The following APTX variants were observed in gnomAD, a reference collection of about 807,000 sequenced individuals.
APTX encodes forkhead-associated domain histidine triad-like protein.
Under a neutral mutation model 42.3 loss-of-function variants are expected in APTX, and 33 were observed. The ratio of observed to expected loss-of-function variants is 0.78; its 90% CI spans 0.59 to 1.04. The LOEUF (loss-of-function observed/expected upper bound fraction) is 1.04. Among genes scored for constraint, APTX ranks in the 50% least tolerant of loss-of-function variants. The pLI is 0.00. For missense variants in APTX, 421 were observed against 415.1 expected, an observed-to-expected ratio of 1.01 and a Z score of -0.12; for synonymous variants, 130 against 146.7, an observed-to-expected ratio of 0.89 and a Z score of 0.82.
At chr9:32,973,711 CAAAAAAAA>C (rs34659850) in intron 7 of APTX, 59 bp from the exon 8 acceptor site, 4 of 1,331,628 alleles carry the variant, frequency 3.0e-6, no homozygotes, top group South Asian at 1.3e-5. Context: ...TATGAGATAC[CAAAAAAAA>C]AAAAAAAAAA....
intron 6 of APTX, among the ~76,000 whole-genome samples, chr9:32,974,903 TAAAG>T (rs1380418978): frequency 1.3e-5 from 2 of 152,016 alleles, no homozygotes; most frequent in Admixed American, 1.3e-4. Context: ...AAAAAAAACT[TAAAG>T]AATTAACATT....
upstream of APTX, among the ~76,000 whole-genome samples, chr9:33,003,442 A>G (rs1195807779): frequency 1.3e-5 from 2 of 152,120 alleles, no homozygotes; most frequent in African/African-American, 2.4e-5. Flanking sequence ...GCACTTTGGG[A>G]GGCCAACGCA....
At chr9:33,021,908 T>C (rs969646296) in intron 1 of APTX, among the ~76,000 whole-genome samples, 1 of 150,806 alleles carries the variant, frequency 6.6e-6, no homozygotes, top group Non-Finnish European at 1.5e-5. Flanking sequence ...GGAGAATCAC[T>C]TGAGCCTAGG....
chr9:33,017,533 C>T (rs1366812593), intron 1 of APTX, among the ~76,000 whole-genome samples: 1 of 152,174 alleles, frequency 6.6e-6, no homozygotes, highest in Non-Finnish European at 1.5e-5. Flanking sequence ...GGCCCCATCT[C>T]TGAATACCAT....
At chr9:33,021,620 CAAG>C in intron 1 of APTX, among the ~76,000 whole-genome samples, 1 of 152,142 alleles carries the variant, frequency 6.6e-6, no homozygotes, top group South Asian at 2.1e-4. Flanking sequence ...CCCAGGAGTT[CAAG>C]AACAGCCTGG....
intron 5 of APTX, among the ~76,000 whole-genome samples, chr9:32,985,118 T>C (rs1831623041): frequency 2.0e-5 from 3 of 152,174 alleles, no homozygotes; most frequent in South Asian, 4.1e-4. Context: ...CTACACAGAA[T>C]ACACAGAAGA....
upstream of APTX, among the ~76,000 whole-genome samples, chr9:33,006,317 G>GA (rs373020529): frequency 2.2e-3 from 338 of 152,168 alleles, 1 homozygote; most frequent in African/African-American, 7.7e-3. Flanking sequence ...TCTCTTGGGG[G>GA]AAAAATCAAT....
At chr9:32,991,420 A>T (rs991490124) in intron 1 of APTX, among the ~76,000 whole-genome samples, 3 of 152,232 alleles carry the variant, frequency 2.0e-5, no homozygotes, top group Non-Finnish European at 4.4e-5. Flanking sequence ...GATGGAGAGC[A>T]AGAAGAGCCA....
At chr9:32,981,005 T>C (rs1013219450) in intron 6 of APTX, among the ~76,000 whole-genome samples, 6 of 152,212 alleles carry the variant, frequency 3.9e-5, no homozygotes, top group Admixed American at 2.0e-4. Context: ...TAAATAAGCA[T>C]AGCTGTATTA....
At chr9:32,980,701 A>T (rs1830489753) in intron 6 of APTX, among the ~76,000 whole-genome samples, 1 of 152,258 alleles carries the variant, frequency 6.6e-6, no homozygotes, top group Admixed American at 6.5e-5. Flanking sequence ...AGCAGCTGAG[A>T]TGTCAACAAG....
At chr9:33,019,315 C>T (rs956584095) in intron 1 of APTX, among the ~76,000 whole-genome samples, 29 of 151,974 alleles carry the variant, frequency 1.9e-4, no homozygotes, top group African/African-American at 7.0e-4. Flanking sequence ...AAGAGAAGAA[C>T]CACAACAAAT....
In APTX at chr9:32,973,250, T is replaced by C. The variant is rs548870588; in HGVS notation, c.*248A>G. On this transcript the variant is annotated 3_prime_UTR_variant, in exon 8 of 8. Transcript: ENST00000379817. ...TGGTCAGACCTGACATGGGTCCTTC[T>C]GAAGATGGTGGGTCAGGTATATCCC... 3.7e-5 allele frequency: 22 copies of C among 597,826 alleles called. No homozygotes were observed. Among genetic ancestry groups the C allele is most frequent in the Non-Finnish European group, 6.5e-5 (21 of 320,690 alleles). 37.0% of individuals were successfully genotyped at this position (597,826 alleles called of 1,614,324 possible). A position where few individuals can be genotyped will look rare whatever the true frequency, so the allele number is the denominator to read the frequency against.
chr9:33,014,895 T>C (rs1837786421), intron 1 of APTX, among the ~76,000 whole-genome samples: 1 of 152,240 alleles, frequency 6.6e-6, no homozygotes, highest in Non-Finnish European at 1.5e-5. Flanking sequence ...CTGGGAGACA[T>C]TCCAATCTGA....
chr9:32,984,991 G>A, intron 5 of APTX, 134 bp from the exon 6 acceptor site: 2 of 788,126 alleles, frequency 2.5e-6, no homozygotes, highest in East Asian at 2.7e-5. Flanking sequence ...TTTGAGAGAG[G>A]AGAGCACTGA....
chr9:33,022,393 C>A (rs144108117), intron 1 of APTX, among the ~76,000 whole-genome samples: 42 of 152,282 alleles, frequency 2.8e-4, no homozygotes, highest in African/African-American at 1.0e-3. Flanking sequence ...AAAGATTTAA[C>A]AACAAAAGGC....
At chr9:32,982,098 GC>G (rs1325004397) in intron 6 of APTX, among the ~76,000 whole-genome samples, 1 of 151,698 alleles carries the variant, frequency 6.6e-6, no homozygotes, top group African/African-American at 2.4e-5. Context: ...TCAACATCAT[GC>G]CCCCCCATAT....
upstream of APTX, among the ~76,000 whole-genome samples, chr9:33,003,705 C>A (rs947150382): frequency 1.3e-5 from 2 of 152,138 alleles, no homozygotes; most frequent in Non-Finnish European, 2.9e-5. Flanking sequence ...ATTCTACTTA[C>A]AGTTTTCATG....
At chr9:32,981,837 A>G (rs1830744582) in intron 6 of APTX, among the ~76,000 whole-genome samples, 1 of 152,218 alleles carries the variant, frequency 6.6e-6, no homozygotes, top group Non-Finnish European at 1.5e-5. Flanking sequence ...TCAACTAATA[A>G]GTTAGGTGAA....
intron 1 of APTX, 58 bp from the exon 2 acceptor site, chr9:32,989,953 A>C: frequency 6.4e-7 from 1 of 1,573,732 alleles, no homozygotes; most frequent in Non-Finnish European, 8.6e-7. Flanking sequence ...CGAGTCCTCC[A>C]GGGCCACACC....
Sources: gnomAD v4.1 joint callset for allele counts (sites outside exome capture counted in the v4.1 genomes callset) on GRCh38, gnomAD v4.1.1 for gene constraint, MANE v1.5 for transcripts, NCBI Gene and HGNC (gene_info 2026-07-23, HGNC 2026-07-21) for gene names.